Variants in PRKCE observed in about 807,000 individuals in gnomAD.
The protein encoded by PRKCE is protein kinase C epsilon type.
Under a neutral mutation model 85.4 loss-of-function variants are expected in PRKCE, and 16 were observed. The observed-to-expected ratio is 0.19, with a 90% CI of 0.13 to 0.28. The LOEUF is 0.28. PRKCE is among the 10% of genes least tolerant of loss of function. The pLI, the probability that PRKCE is intolerant of heterozygous loss-of-function variation, is 1.00. For synonymous variants in PRKCE, 388 were observed against 371.5 expected (o/e 1.04, Z -0.51); for missense variants, 573 against 975.2 (o/e 0.59, Z 5.49).
intron 2 of PRKCE, among the ~76,000 whole-genome samples, chr2:45,942,575 G>A (rs1699962563): frequency 6.6e-6 from 1 of 152,214 alleles, no homozygotes; most frequent in Non-Finnish European, 1.5e-5. Flanking sequence ...ATGGCGTAGG[G>A]TGTGCACTCA....
At position 46,041,830 on chromosome 2, in the gene PRKCE, G is replaced by T. The variant is rs1708231782; in HGVS notation, c.1437+31313G>T. 1.3e-5 allele frequency among the ~76,000 whole-genome samples: 2 copies of T among 152,202 alleles called. No individual in the cohort carries two copies. Among genetic ancestry groups the T allele is most frequent in the African/African-American group, 4.8e-5 (2 of 41,444 alleles). On this transcript the variant is annotated intron_variant, in intron 10 of 14. Transcript: ENST00000306156. The surrounding 1 kb of genome is among the most constrained non-coding windows in gnomAD (Gnocchi z 5.5). ...TGTTCTGCACGGCCAACAATTTGATGTTGAAAAAACCAGCCTCCATGTTAA... is the reference window on the plus strand; with the variant it reads ...TGTTCTGCACGGCCAACAATTTGATTTTGAAAAAACCAGCCTCCATGTTAA...
At chr2:46,095,633 T>C (rs1048030445) in intron 11 of PRKCE, among the ~76,000 whole-genome samples, 1 of 152,232 alleles carries the variant, frequency 6.6e-6, no homozygotes, top group Non-Finnish European at 1.5e-5. Flanking sequence ...ATTTCATTGC[T>C]CTTGACCTTC....
intron 2 of PRKCE, among the ~76,000 whole-genome samples, chr2:45,853,226 T>A (rs1267207793): frequency 6.6e-6 from 1 of 152,176 alleles, no homozygotes; most frequent in Non-Finnish European, 1.5e-5. Flanking sequence ...AGCTGGGAAA[T>A]GCCCAGGCCT....
chr2:45,834,828 T>A (rs538467574), intron 1 of PRKCE, among the ~76,000 whole-genome samples: 1 of 152,332 alleles, frequency 6.6e-6, no homozygotes, highest in African/African-American at 2.4e-5. Flanking sequence ...TTCATGGACA[T>A]TTAGGTCATT....
At chr2:45,763,726 A>C (rs1167402015) in intron 1 of PRKCE, among the ~76,000 whole-genome samples, 1 of 152,064 alleles carries the variant, frequency 6.6e-6, no homozygotes, top group African/African-American at 2.4e-5. Flanking sequence ...AAAGTCAGGA[A>C]GGGCCCAAGG....
intron 11 of PRKCE, among the ~76,000 whole-genome samples, chr2:46,135,135 C>T (rs934702359): frequency 6.6e-6 from 1 of 152,092 alleles, no homozygotes; most frequent in Non-Finnish European, 1.5e-5. Flanking sequence ...TTCCAGCTGT[C>T]AGTGTAGTGT....
intron 11 of PRKCE, among the ~76,000 whole-genome samples, chr2:46,114,312 A>G (rs574731622): frequency 6.8e-6 from 1 of 147,026 alleles, no homozygotes; most frequent in South Asian, 2.3e-4. Context: ...GGCTTTGTGG[A>G]TGATTTTTCT....
chr2:45,797,622 T>C (rs1263993118), intron 1 of PRKCE, among the ~76,000 whole-genome samples: 1 of 152,180 alleles, frequency 6.6e-6, no homozygotes, highest in Non-Finnish European at 1.5e-5. Context: ...ACAAGGAACA[T>C]TTAAACTGAC....
chr2:45,925,168 C>G (rs1202451492), intron 2 of PRKCE, among the ~76,000 whole-genome samples: 2 of 152,126 alleles, frequency 1.3e-5, no homozygotes, highest in East Asian at 1.9e-4. Context: ...TTGAGGATGT[C>G]CAGTTTCTCA....
intron 1 of PRKCE, among the ~76,000 whole-genome samples, chr2:45,832,340 T>G: frequency 7.4e-6 from 1 of 135,684 alleles, no homozygotes; most frequent in African/African-American, 2.9e-5. Context: ...TGAGACAGAG[T>G]CTCACTCTGT....
At chr2:45,956,226 G>C (rs1279912689) in intron 2 of PRKCE, among the ~76,000 whole-genome samples, 1 of 152,214 alleles carries the variant, frequency 6.6e-6, no homozygotes, top group Non-Finnish European at 1.5e-5. Context: ...TCTCAATTGA[G>C]AGATGTTTGG....
chr2:45,702,526 G>A (rs186704285), intron 1 of PRKCE, among the ~76,000 whole-genome samples: 4 of 152,232 alleles, frequency 2.6e-5, no homozygotes, highest in Admixed American at 6.5e-5. Flanking sequence ...TATCCTGAGC[G>A]GTGGACTTTA....
At chr2:45,732,179 A>T (rs1681636199) in intron 1 of PRKCE, among the ~76,000 whole-genome samples, 1 of 152,062 alleles carries the variant, frequency 6.6e-6, no homozygotes, top group South Asian at 2.1e-4. Flanking sequence ...TTGGAGAGGG[A>T]GGAAAGAATA....
In PRKCE at chr2:45,752,709, G is replaced by A. The variant is rs139578063; in HGVS notation, c.349-90291G>A. Among the ~76,000 whole-genome samples, 17 of 152,198 alleles carry A rather than the reference G, an allele frequency of 1.1e-4. No homozygotes were observed. In the East Asian group the frequency reaches 2.1e-3, roughly 19 times the overall value. ...CCTCTCATCTCCTGCGTCTGCAGGC[G>A]TATTATCTTTTGTACCATGCAGGCA... On this transcript the variant is annotated intron_variant, in intron 1 of 14. Transcript: ENST00000306156.
chr2:45,990,449 G>A (rs1218365863), intron 6 of PRKCE, among the ~76,000 whole-genome samples: 2 of 152,114 alleles, frequency 1.3e-5, no homozygotes, highest in South Asian at 4.1e-4. Context: ...TATGAGGCAG[G>A]GGCAATCAGG....
At chr2:46,021,089 C>A (rs1350679327) in intron 10 of PRKCE, among the ~76,000 whole-genome samples, 4 of 151,912 alleles carry the variant, frequency 2.6e-5, no homozygotes, top group Non-Finnish European at 2.9e-5. Flanking sequence ...AGGGTGGATG[C>A]TGGGGCATTG....
In PRKCE at chr2:45,896,422, G is replaced by T. The variant is rs374523221; in HGVS notation, c.412+53359G>T. ...GTTAAAAGAGTTTTTGCTCCATTCT[G>T]TCTCCTTGGAAATACTGTTCCCAAA... On this transcript the variant is annotated intron_variant, in intron 2 of 14. Transcript: ENST00000306156. Among the ~76,000 whole-genome samples the T allele has an allele frequency of 4.6e-5, 7 of 152,236 alleles. No individual in the cohort carries two copies. In the East Asian group the frequency reaches 1.2e-3, roughly 25 times the overall value.
At chr2:45,915,313 T>C (rs559956627) in intron 2 of PRKCE, among the ~76,000 whole-genome samples, 1 of 152,348 alleles carries the variant, frequency 6.6e-6, no homozygotes, top group South Asian at 2.1e-4. Context: ...TTTTGTTTCA[T>C]TTTTTAGTAA....
rs144322593 is a variant in PRKCE at position 46,046,498 on chromosome 2, T to C, written c.1437+35981T>C. ...TTTTAATAAACCTTGTAGGGGCTGC[T>C]TCTGCATGTTCAAGTTTGAGAGTCT... On this transcript the variant is annotated intron_variant, in intron 10 of 14. Transcript: ENST00000306156. Among the ~76,000 whole-genome samples, 466 of 152,372 alleles carry C rather than the reference T, an allele frequency of 3.1e-3. 2 individuals are homozygous for C. The highest frequency in any genetic ancestry group is 0.011 in the African/African-American group (446 of 41,592).
Sources: allele counts gnomAD v4.1 joint callset (sites outside exome capture counted in the v4.1 genomes callset), GRCh38; gene constraint gnomAD v4.1.1; non-coding constraint Gnocchi (gnomAD v3.1); transcripts MANE v1.5; gene names NCBI Gene and HGNC (gene_info 2026-07-23, HGNC 2026-07-21).